The following MUSK variants were observed in gnomAD, a reference collection of about 807,000 sequenced individuals.
The protein encoded by MUSK is muscle associated receptor tyrosine kinase.
A neutral mutation model predicts 88.7 loss-of-function variants in MUSK; 55 were observed. That is an observed-to-expected ratio of 0.62 (90% CI 0.50 to 0.78). The LOEUF (loss-of-function observed/expected upper bound fraction) is 0.78, where lower values mean the gene tolerates loss of function less well. Among genes scored for constraint, MUSK ranks in the 30% least tolerant of loss-of-function variants. MUSK has a pLI of 0.00. For missense variants in MUSK, 1,015 were observed against 1,074.3 expected (o/e 0.94, Z 0.77); for synonymous variants, 387 against 391.9 (o/e 0.99, Z 0.15).
chr9:110,773,422 C>A (rs993338645), intron 9 of MUSK, among the ~76,000 whole-genome samples: 1 of 152,002 alleles, frequency 6.6e-6, no homozygotes, highest in African/African-American at 2.4e-5. Context: ...TGCATATGCT[C>A]AATTTTTGGA....
intron 3 of MUSK, among the ~76,000 whole-genome samples, chr9:110,688,841 C>T (rs1485023151): frequency 6.6e-6 from 1 of 151,210 alleles, no homozygotes; most frequent in East Asian, 1.9e-4. Flanking sequence ...TTAGGTACCA[C>T]ATTTTCTTTA....
At chr9:110,670,271 T>C (rs1026099630) in intron 1 of MUSK, among the ~76,000 whole-genome samples, 9 of 152,204 alleles carry the variant, frequency 5.9e-5, no homozygotes, top group African/African-American at 2.2e-4. Flanking sequence ...GACTTAACAT[T>C]GGCTTCAGAT....
chr9:110,755,937 T>TATATATATATACACATATATATAAC (rs1554750760), intron 7 of MUSK, among the ~76,000 whole-genome samples: 6 of 88,372 alleles, frequency 6.8e-5, no homozygotes, highest in Middle Eastern at 5.5e-3. Flanking sequence ...TATATACATA[T>TATATATATATACACATATATATAAC]ATATATATAT....
chr9:110,694,244 G>A (rs1278106540), intron 3 of MUSK, among the ~76,000 whole-genome samples: 1 of 148,818 alleles, frequency 6.7e-6, no homozygotes, highest in African/African-American at 2.5e-5. Flanking sequence ...AAATTAGCCG[G>A]GTGTGGTGGT....
intron 7 of MUSK, among the ~76,000 whole-genome samples, chr9:110,760,458 G>A (rs1248111812): frequency 6.6e-6 from 1 of 152,068 alleles, no homozygotes; most frequent in African/African-American, 2.4e-5. Flanking sequence ...ACTAATGCAG[G>A]AACAGGAAAC....
In MUSK at chr9:110,736,153, G is replaced by T. The variant is rs963213963; in HGVS notation, c.753+1778G>T. On this transcript the variant is annotated intron_variant, in intron 6 of 14. Coordinates refer to ENST00000374448, the MANE Select transcript of MUSK (RefSeq NM_005592.4). ...GAAGAGTGGAATTGGAATGTTCCTAGCACAAAAAAATGACAAATTACTTAG... is the reference window on the plus strand; with the variant it reads ...GAAGAGTGGAATTGGAATGTTCCTATCACAAAAAAATGACAAATTACTTAG... 3.3e-5 allele frequency among the ~76,000 whole-genome samples: 5 copies of T among 151,944 alleles called. No individual in the cohort carries two copies. The East Asian group carries it at 7.7e-4, about 23-fold the overall frequency.
intron 5 of MUSK, among the ~76,000 whole-genome samples, chr9:110,711,792 G>A (rs1381126940): frequency 6.6e-6 from 1 of 152,162 alleles, no homozygotes; most frequent in Non-Finnish European, 1.5e-5. Context: ...GAATCTTTGA[G>A]ATTCTTTTTA....
intron 3 of MUSK, among the ~76,000 whole-genome samples, chr9:110,688,471 A>C (rs933519833): frequency 1.3e-5 from 2 of 151,788 alleles, no homozygotes; most frequent in African/African-American, 4.8e-5. Flanking sequence ...TTTAACTTTC[A>C]TTTTGAGTTC....
chr9:110,772,724 CAAG>C (rs2077597979), intron 9 of MUSK, among the ~76,000 whole-genome samples: 1 of 151,900 alleles, frequency 6.6e-6, no homozygotes, highest in African/African-American at 2.4e-5. Context: ...ATTGTGTTTC[CAAG>C]AATGTTTTCT....
At chr9:110,741,486 G>A (rs1428854962) in intron 6 of MUSK, among the ~76,000 whole-genome samples, 2 of 151,990 alleles carry the variant, frequency 1.3e-5, no homozygotes, top group Admixed American at 1.3e-4. Context: ...AGGAAGTGGG[G>A]AACAAAGTGC....
intron 5 of MUSK, chr9:110,728,643 G>A (rs2076919601): frequency 5.6e-6 from 7 of 1,249,756 alleles, no homozygotes; most frequent in African/African-American, 4.5e-5. Flanking sequence ...TGTTTTGTTT[G>A]CGTGTTTATT....
intron 3 of MUSK, among the ~76,000 whole-genome samples, chr9:110,688,721 T>A (rs2076230808): frequency 6.6e-6 from 1 of 151,914 alleles, no homozygotes; most frequent in Admixed American, 6.6e-5. Flanking sequence ...AGTGTTTGGT[T>A]ATCTGTTCCT....
At chr9:110,762,884 A>T (rs2077422301) in intron 8 of MUSK, among the ~76,000 whole-genome samples, 2 of 152,248 alleles carry the variant, frequency 1.3e-5, no homozygotes, top group Admixed American at 1.3e-4. Flanking sequence ...AGCAAAAATA[A>T]GTTCAAGAGA....
chr9:110,747,978 A>C (rs1220314463), intron 7 of MUSK, 178 bp downstream of exon 7: 2 of 874,898 alleles, frequency 2.3e-6, no homozygotes, highest in Non-Finnish European at 3.7e-6. Context: ...ATTTTGGCAG[A>C]TTTGCTGCCT....
At chr9:110,709,018 G>T (rs192685126) in intron 5 of MUSK, among the ~76,000 whole-genome samples, 118 of 152,204 alleles carry the variant, frequency 7.8e-4, no homozygotes, top group African/African-American at 2.7e-3. Flanking sequence ...AAGGAAAATT[G>T]CTTTCTATTC....
intron 5 of MUSK, among the ~76,000 whole-genome samples, chr9:110,715,348 A>C (rs1413303800): frequency 1.3e-5 from 2 of 149,700 alleles, no homozygotes; most frequent in Non-Finnish European, 2.9e-5. Flanking sequence ...TTTCTGGATA[A>C]AAAACCTGAA....
At chr9:110,768,168 G>C in intron 9 of MUSK, 85 bp downstream of exon 9, 2 of 1,330,068 alleles carry the variant, frequency 1.5e-6, no homozygotes, top group Admixed American at 4.4e-5. Flanking sequence ...GTTGTAATAT[G>C]CAACAGTAAA....
At chr9:110,774,690 G>T (rs754357796) in intron 9 of MUSK, among the ~76,000 whole-genome samples, 3 of 151,990 alleles carry the variant, frequency 2.0e-5, no homozygotes, top group African/African-American at 4.8e-5. Context: ...TCTCCCTTAC[G>T]CACACCAAGA....
chr9:110,669,473 A>G (rs1319016139), intron 1 of MUSK, among the ~76,000 whole-genome samples: 3 of 152,200 alleles, frequency 2.0e-5, no homozygotes, highest in Non-Finnish European at 4.4e-5. Context: ...AAAATTGGAA[A>G]TACAGAAAGA....
Sources: gnomAD v4.1 joint callset for allele counts (sites outside exome capture counted in the v4.1 genomes callset) on GRCh38, gnomAD v4.1.1 for gene constraint, MANE v1.5 for transcripts, NCBI Gene and HGNC (gene_info 2026-07-23, HGNC 2026-07-21) for gene names.